The following RBMS3 variants were observed in gnomAD, a reference collection of about 807,000 sequenced individuals.
RBMS3 encodes the protein RNA-binding motif, single-stranded-interacting protein 3.
RBMS3 carries 27 observed loss-of-function variants against 66.8 expected under a neutral mutation model. That is an observed-to-expected ratio of 0.40 (90% CI 0.30 to 0.56). The LOEUF (loss-of-function observed/expected upper bound fraction) is 0.56, where lower values mean the gene tolerates loss of function less well. Ranked by LOEUF, RBMS3 falls within the 20% of genes least tolerant of loss-of-function variation. The pLI, the probability that RBMS3 is intolerant of heterozygous loss-of-function variation, is 0.40. For missense variants in RBMS3, 513 were observed against 549.5 expected, an observed-to-expected ratio of 0.93 and a Z score of 0.66; for synonymous variants, 188 against 183.0, an observed-to-expected ratio of 1.03 and a Z score of -0.22.
intron 6 of RBMS3, among the ~76,000 whole-genome samples, chr3:29,794,410 C>T (rs2057113310): frequency 6.6e-6 from 1 of 152,050 alleles, no homozygotes. Flanking sequence ...CATGGTGAAA[C>T]CCCGTCTCTA....
intron 1 of RBMS3, among the ~76,000 whole-genome samples, chr3:29,347,392 T>G (rs918441067): frequency 6.6e-6 from 1 of 152,334 alleles, no homozygotes; most frequent in African/African-American, 2.4e-5. Context: ...GCATGCAGGA[T>G]GCTGACTAAA....
intron 6 of RBMS3, among the ~76,000 whole-genome samples, chr3:29,848,656 T>A (rs754582225): frequency 3.9e-5 from 6 of 152,246 alleles, no homozygotes; most frequent in South Asian, 2.1e-4. Context: ...ATGGTGAGAA[T>A]ATGGAGATTC....
chr3:29,547,570 A>G (rs2046008250), intron 3 of RBMS3, among the ~76,000 whole-genome samples: 1 of 152,054 alleles, frequency 6.6e-6, no homozygotes, highest in African/African-American at 2.4e-5. Flanking sequence ...TATTATTTAT[A>G]TTTAATTTTT....
At chr3:29,562,300 C>T (rs2046585809) in intron 3 of RBMS3, among the ~76,000 whole-genome samples, 1 of 152,040 alleles carries the variant, frequency 6.6e-6, no homozygotes, top group Non-Finnish European at 1.5e-5. Flanking sequence ...ACTATTTTCA[C>T]CCAGGCTTAC....
At chr3:29,559,558 A>G (rs2046477939) in intron 3 of RBMS3, among the ~76,000 whole-genome samples, 3 of 142,562 alleles carry the variant, frequency 2.1e-5, no homozygotes, top group Non-Finnish European at 3.0e-5. Context: ...AAAAAACCTG[A>G]CTATTCATGT....
intron 10 of RBMS3, among the ~76,000 whole-genome samples, chr3:29,922,493 C>CAA (rs68121692): frequency 1.5e-4 from 15 of 99,056 alleles, no homozygotes; most frequent in South Asian, 6.7e-4. Flanking sequence ...GACTCCGTCT[C>CAA]AAAAAAAAAA....
intron 1 of RBMS3, among the ~76,000 whole-genome samples, chr3:29,313,567 G>A (rs540803028): frequency 6.6e-6 from 1 of 151,698 alleles, no homozygotes; most frequent in Admixed American, 6.6e-5. Flanking sequence ...ACCATATTAG[G>A]GTGGTGTGGC....
chr3:29,388,195 CCTG>C (rs138809186), intron 1 of RBMS3, among the ~76,000 whole-genome samples: 3,710 of 152,202 alleles, frequency 0.024, 139 homozygotes, highest in African/African-American at 0.082. Context: ...TATACCTTTA[CCTG>C]CTTTATTTAT....
chr3:29,607,327 G>T (rs1410850878), intron 4 of RBMS3, among the ~76,000 whole-genome samples: 2 of 151,920 alleles, frequency 1.3e-5, no homozygotes, highest in African/African-American at 2.4e-5. Context: ...AGTTTTGGAG[G>T]CTGGGAAGTC....
At chr3:29,876,310 A>T (rs1319219268) in intron 7 of RBMS3, among the ~76,000 whole-genome samples, 2 of 152,202 alleles carry the variant, frequency 1.3e-5, no homozygotes, top group African/African-American at 4.8e-5. Context: ...AAGGCTAAAA[A>T]AAATTATCTT....
chr3:29,622,134 T>C (rs1049817909), intron 4 of RBMS3, among the ~76,000 whole-genome samples: 1 of 152,218 alleles, frequency 6.6e-6, no homozygotes, highest in Non-Finnish European at 1.5e-5. Flanking sequence ...CATGTATTCC[T>C]CCTACAAATA....
At chr3:29,905,951 G>A (rs2060366298) in intron 10 of RBMS3, among the ~76,000 whole-genome samples, 2 of 151,964 alleles carry the variant, frequency 1.3e-5, no homozygotes, top group Admixed American at 1.3e-4. Flanking sequence ...TACATTTTCA[G>A]ATGAACTTTA....
intron 8 of RBMS3, among the ~76,000 whole-genome samples, chr3:29,885,769 A>G (rs887165276): frequency 6.6e-6 from 1 of 151,866 alleles, no homozygotes; most frequent in African/African-American, 2.4e-5. Flanking sequence ...ATACATATGT[A>G]TCTACCTATC....
chr3:29,690,645 G>T (rs1451016689), intron 4 of RBMS3, among the ~76,000 whole-genome samples: 3 of 152,148 alleles, frequency 2.0e-5, no homozygotes. Context: ...GAAAGTAATT[G>T]TTGTTAGTTA....
chr3:29,972,042 T>C (rs2149761412), intron 12 of RBMS3, among the ~76,000 whole-genome samples: 1 of 152,248 alleles, frequency 6.6e-6, no homozygotes, highest in Non-Finnish European at 1.5e-5. Flanking sequence ...GGGAGTGGAA[T>C]AAAATTTACC....
chr3:29,518,131 A>T (rs2044714226), intron 3 of RBMS3, among the ~76,000 whole-genome samples: 1 of 152,190 alleles, frequency 6.6e-6, no homozygotes, highest in Admixed American at 6.5e-5. Flanking sequence ...ATGGGTATAT[A>T]CTGAGTGACC....
At chr3:29,990,107 T>C (rs1029598242) in intron 13 of RBMS3, among the ~76,000 whole-genome samples, 3 of 152,158 alleles carry the variant, frequency 2.0e-5, no homozygotes, top group Non-Finnish European at 4.4e-5. Context: ...TCATTCTCTA[T>C]GTGAAAACAC....
At chr3:29,857,321 C>T (rs1434650417) in intron 6 of RBMS3, among the ~76,000 whole-genome samples, 1 of 152,066 alleles carries the variant, frequency 6.6e-6, no homozygotes, top group African/African-American at 2.4e-5. Context: ...GAATGCTCTA[C>T]TAGAAAGGAT....
chr3:29,897,351 A>C, intron 8 of RBMS3, 28 bp from the exon 9 acceptor site: 1 of 1,595,316 alleles, frequency 6.3e-7, no homozygotes. Context: ...CAGCTTCGTG[A>C]ATCTTCCTTT....
Sources: gnomAD v4.1 joint callset for allele counts (sites outside exome capture counted in the v4.1 genomes callset) on GRCh38, gnomAD v4.1.1 for gene constraint, MANE v1.5 for transcripts, NCBI Gene and HGNC (gene_info 2026-07-23, HGNC 2026-07-21) for gene names.